The following EXT2 variants were observed in gnomAD, a reference collection of about 807,000 sequenced individuals.
EXT2 encodes the protein exostosin-2.
A neutral mutation model predicts 81.6 loss-of-function variants in EXT2; 53 were observed. The observed-to-expected ratio is 0.65, with a 90% CI of 0.52 to 0.82. The LOEUF (loss-of-function observed/expected upper bound fraction) is 0.82. Among genes scored for constraint, EXT2 ranks in the 40% least tolerant of loss-of-function variants. The pLI is 0.00. For missense variants in EXT2, 774 were observed against 910.2 expected, an observed-to-expected ratio of 0.85 and a Z score of 1.93; for synonymous variants, 320 against 340.0, an observed-to-expected ratio of 0.94 and a Z score of 0.65.
intron 7 of EXT2, among the ~76,000 whole-genome samples, chr11:44,152,095 TTTTG>T (rs1262156453): frequency 6.6e-6 from 1 of 152,224 alleles, no homozygotes; most frequent in East Asian, 1.9e-4. Flanking sequence ...TTTACGAGTA[TTTTG>T]TTTATTTTGG....
chr11:44,133,784 T>C (rs1418907324), intron 7 of EXT2, among the ~76,000 whole-genome samples: 1 of 152,142 alleles, frequency 6.6e-6, no homozygotes, highest in Non-Finnish European at 1.5e-5. Flanking sequence ...GGTAGGGTCT[T>C]GGTGAGGAAG....
chr11:44,180,688 C>A (rs1007015239), intron 8 of EXT2, among the ~76,000 whole-genome samples: 2 of 152,180 alleles, frequency 1.3e-5, no homozygotes, highest in African/African-American at 4.8e-5. Context: ...CCCTTTGTGT[C>A]TCTGCTCTGT....
At position 44,098,783 on chromosome 11, in the gene EXT2, T is replaced by C. The variant is rs972930231; in HGVS notation, c.-31+2931T>C. On this transcript the variant is annotated intron_variant, in intron 1 of 13. Coordinates refer to ENST00000533608, the MANE Select transcript of EXT2 (RefSeq NM_207122.2). ...TGGTGGGTGGTGGGAGAGGAGGGTG[T>C]TCAGGGGTGGGTACAGAAAATTCAG... Among the ~76,000 whole-genome samples the C allele has an allele frequency of 2.6e-5, 4 of 151,110 alleles. No individual in the cohort carries two copies. The South Asian group carries it at 8.4e-4, about 32-fold the overall frequency.
In EXT2 at chr11:44,124,837, G is replaced by C. The variant is rs1954374531; in HGVS notation, c.792G>C (p.Glu264Asp). The C allele has an allele frequency of 6.2e-7, 1 of 1,613,934 alleles. No individual in the cohort carries two copies. The highest frequency in any genetic ancestry group is 1.3e-5 in the African/African-American group (1 of 74,854). ...CATCTCAGGTGGGTCTCCATCCTGA[G>C]TACAGAGAGGACCTAGAAGCCCTCC... is the stretch of plus-strand genomic sequence containing the variant. Reference protein sequence around the residue: ...LLSSQVGLHPEYREDLEALQV... With the variant: ...LLSSQVGLHPDYREDLEALQV... Residue 264 changes from glutamate (E) to aspartate (D), a missense_variant, in exon 5 of 14, where the codon GAG (glutamate) becomes GAC (aspartate). Physicochemically the swap from Glu to Asp is conservative, Grantham distance 45. Transcript: ENST00000533608.
intron 7 of EXT2, among the ~76,000 whole-genome samples, chr11:44,138,491 C>T (rs1017748511): frequency 1.1e-4 from 16 of 151,762 alleles, no homozygotes; most frequent in Admixed American, 7.9e-4. Flanking sequence ...TTTTCCAAAC[C>T]GAAGGTAATG....
intron 7 of EXT2, among the ~76,000 whole-genome samples, chr11:44,145,303 G>T (rs973599737): frequency 6.6e-6 from 1 of 152,020 alleles, no homozygotes; most frequent in African/African-American, 2.4e-5. Flanking sequence ...GCATAGAAAA[G>T]GAGCAAATAA....
At chr11:44,099,332 C>T (rs898278523) in intron 1 of EXT2, among the ~76,000 whole-genome samples, 13 of 152,104 alleles carry the variant, frequency 8.5e-5, no homozygotes, top group Admixed American at 1.3e-4. Flanking sequence ...ACTACAGGCA[C>T]CCACCACCAT....
intron 8 of EXT2, among the ~76,000 whole-genome samples, chr11:44,180,274 T>G (rs2135147242): frequency 6.6e-6 from 1 of 152,324 alleles, no homozygotes; most frequent in East Asian, 1.9e-4. Flanking sequence ...CCCTATACAC[T>G]CCTCCTGTTC....
At position 44,232,481 on chromosome 11, in the gene EXT2, A is replaced by G. The variant is rs1176452176; in HGVS notation, c.1791A>G (p.Ala597=). The change falls in exon 11 of 14, where the codon GCA becomes GCG. Residue 597 remains alanine, a synonymous_variant. Transcript: ENST00000533608. ...AAGTGTCCATGGTGCTCACTGGGGC[A>G]GCTTTTTATCACAAGGTAAGGGGGC... ...TNEVSMVLTG[A]AFYHKYFNYL... 1 of 1,614,048 alleles carries G rather than the reference A, an allele frequency of 6.2e-7. No individual in the cohort carries two copies. Among genetic ancestry groups the G allele is most frequent in the African/African-American group, 1.3e-5 (1 of 75,058 alleles).
In EXT2 at chr11:44,107,743, G is replaced by A. The variant is rs886048274; in HGVS notation, c.31G>A (p.Gly11Ser). The A allele has an allele frequency of 3.7e-6, 6 of 1,614,110 alleles. No homozygotes were observed. The East Asian group carries it at 1.3e-4, about 36-fold the overall frequency. The change falls in exon 2 of 14, where the codon GGT becomes AGT. Residue 11 changes from glycine to serine, a missense_variant. Coordinates refer to ENST00000533608, the MANE Select transcript of EXT2 (RefSeq NM_207122.2). Reference sequence around the variant, plus strand: ...TGCGTCGGTCAAGTATAATATCCGGGGTCCTGCCCTCATCCCAAGAATGAA... The same window carrying A: ...TGCGTCGGTCAAGTATAATATCCGGAGTCCTGCCCTCATCCCAAGAATGAA... MCASVKYNIR[G>S]PALIPRMKTK...
intron 7 of EXT2, among the ~76,000 whole-genome samples, chr11:44,135,368 A>G (rs530429740): frequency 1.3e-5 from 2 of 151,152 alleles, no homozygotes; most frequent in African/African-American, 2.4e-5. Flanking sequence ...CTAATCTGGT[A>G]TGAATAAAGA....
intron 1 of EXT2, 64 bp downstream of exon 1, chr11:44,095,916 G>T: frequency 3.6e-6 from 1 of 279,944 alleles, no homozygotes; most frequent in Non-Finnish European, 6.8e-6. Context: ...GGCCTCCGGG[G>T]GCCGCTGCTG....
At chr11:44,209,842 CT>C (rs1010844125) in intron 10 of EXT2, among the ~76,000 whole-genome samples, 3 of 152,090 alleles carry the variant, frequency 2.0e-5, no homozygotes, top group Admixed American at 1.3e-4. Context: ...GTTATAGTGT[CT>C]TTTTTTCCTT....
chr11:44,220,699 A>G lies in EXT2; in HGVS notation c.1663-11654A>G, dbSNP rs1955772283. Reference sequence around the variant, plus strand: ...CTAAATAATCTATTAGGTCTGTCCTATCTCCAGCTTGCATTGATTTACACC... The same window carrying G: ...CTAAATAATCTATTAGGTCTGTCCTGTCTCCAGCTTGCATTGATTTACACC... On this transcript the variant is annotated intron_variant, in intron 10 of 13. Transcript: ENST00000533608. This position sits in a 1 kb window ranked among gnomAD's most constrained non-coding sequence, Gnocchi z 4.4. 6.6e-6 allele frequency among the ~76,000 whole-genome samples: 1 copy of G among 152,174 alleles called. No individual in the cohort carries two copies. Among genetic ancestry groups the G allele is most frequent in the African/African-American group, 2.4e-5 (1 of 41,446 alleles).
At chr11:44,233,659 A>G (rs1955924381) in intron 11 of EXT2, among the ~76,000 whole-genome samples, 1 of 152,152 alleles carries the variant, frequency 6.6e-6, no homozygotes. Flanking sequence ...CTGTATTCAT[A>G]TCGATTGTTT....
At chr11:44,171,341 C>G (rs4755788) in intron 7 of EXT2, among the ~76,000 whole-genome samples, 8 of 152,214 alleles carry the variant, frequency 5.3e-5, no homozygotes, top group Non-Finnish European at 1.0e-4. Flanking sequence ...TAACACATGG[C>G]TATTCTCATC....
chr11:44,239,065 C>T (rs966027170), intron 13 of EXT2, among the ~76,000 whole-genome samples: 1 of 152,160 alleles, frequency 6.6e-6, no homozygotes, highest in Admixed American at 6.5e-5. Flanking sequence ...GAACCTTTAA[C>T]TAAGCTGCAT....
intron 9 of EXT2, among the ~76,000 whole-genome samples, chr11:44,198,685 C>T (rs1955487752): frequency 6.6e-6 from 1 of 152,226 alleles, no homozygotes; most frequent in African/African-American, 2.4e-5. Flanking sequence ...GACTTCAAAG[C>T]TCCTGCCATT....
At position 44,147,157 on chromosome 11, in the gene EXT2, C is replaced by G. The variant is rs576793430; in HGVS notation, c.1173+17019C>G. 2.6e-5 allele frequency among the ~76,000 whole-genome samples: 4 copies of G among 152,324 alleles called. No homozygotes were observed. The South Asian group carries it at 8.3e-4, about 32-fold the overall frequency. ...CAGCACATACTTGTACACCCTAGCTCTCTGAATCAGCCAGGTTGATGGAGT... is the reference window on the plus strand; with the variant it reads ...CAGCACATACTTGTACACCCTAGCTGTCTGAATCAGCCAGGTTGATGGAGT... On this transcript the variant is annotated intron_variant, in intron 7 of 13. Coordinates refer to ENST00000533608, the MANE Select transcript of EXT2 (RefSeq NM_207122.2).
Sources: gnomAD v4.1 joint callset for allele counts (sites outside exome capture counted in the v4.1 genomes callset) on GRCh38, gnomAD v4.1.1 for gene constraint, Gnocchi (gnomAD v3.1) non-coding constraint, MANE v1.5 for transcripts, NCBI Gene and HGNC (gene_info 2026-07-23, HGNC 2026-07-21) for gene names.